Variants in CAPN8 observed in about 807,000 individuals in gnomAD.
The protein encoded by CAPN8 is calpain 8.
A neutral mutation model predicts 80.9 loss-of-function variants in CAPN8; 87 were observed. That is an observed-to-expected ratio of 1.07 (90% confidence interval 0.90 to 1.28). CAPN8 has a LOEUF of 1.28. CAPN8 is among the 50% of genes most tolerant of loss of function. The probability of loss-of-function intolerance (pLI) is 0.00; values close to 1 mark genes in which losing one functional copy is unlikely to be tolerated. For synonymous variants in CAPN8, 299 were observed against 273.8 expected, an observed-to-expected ratio of 1.09 and a Z score of -0.91; for missense variants, 757 against 702.0, an observed-to-expected ratio of 1.08 and a Z score of -0.89.
At chr1:223,631,953 C>T (rs1317267535) in intron 2 of CAPN8, among the ~76,000 whole-genome samples, 1 of 152,184 alleles carries the variant, frequency 6.6e-6, no homozygotes, top group African/African-American at 2.4e-5. Context: ...TTCTGGCTCC[C>T]GGTCTAAGCT....
Position 223,625,892 on chromosome 1 carries a change from C to G in CAPN8, c.730-4G>C. The G allele has an allele frequency of 1.3e-6, 2 of 1,549,898 alleles. No homozygotes were observed. The highest frequency in any genetic ancestry group is 1.2e-5 in the South Asian group (1 of 84,000). On this transcript the variant is annotated splice_polypyrimidine_tract_variant and splice_region_variant and intron_variant, in intron 5 of 20. Coordinates refer to ENST00000366872, the MANE Select transcript of CAPN8 (RefSeq NM_001143962.2). ...CGGCTTCGGCTGCACTGGAGACCTG[C>G]GTAGAGAAGAAAGTCCACTCAGTGG...
chr1:223,549,818 T>G (rs918850805), intron 15 of CAPN8, among the ~76,000 whole-genome samples: 4 of 152,212 alleles, frequency 2.6e-5, no homozygotes, highest in Non-Finnish European at 4.4e-5. Context: ...ACAGCTAACT[T>G]TATATGGCTA....
chr1:223,545,821 C>CTTTTTTT (rs141485616), intron 16 of CAPN8, among the ~76,000 whole-genome samples: 18 of 98,596 alleles, frequency 1.8e-4, no homozygotes, highest in African/African-American at 5.6e-4. Flanking sequence ...CACTCCACAA[C>CTTTTTTT]TTTTTTTTTT....
chr1:223,620,395 A>C (rs1381173049), intron 7 of CAPN8, 129 bp from the exon 8 acceptor site: 3 of 775,146 alleles, frequency 3.9e-6, no homozygotes, highest in Non-Finnish European at 6.4e-6. Context: ...GCAGACAGAA[A>C]GGCAGAATGG....
rs1427717150 is a variant in CAPN8, at chr1:223,665,637, G to C, written c.10C>G (p.Gln4Glu). 4.5e-6 allele frequency: 7 copies of C among 1,551,124 alleles called. No individual in the cohort carries two copies. In the East Asian group the frequency reaches 1.5e-4, roughly 32 times the overall value. ...CGCTGCCTAGATACACCAGCTGCCTGGGCTGCCATGGCCGTGGGCTCTGTA... is the reference window on the plus strand; with the variant it reads ...CGCTGCCTAGATACACCAGCTGCCTCGGCTGCCATGGCCGTGGGCTCTGTA... MAA[Q>E]AAGVSRQRAA... is the part of the protein sequence containing the mutation. Residue 4 changes from glutamine (Q) to glutamate (E), a missense_variant, in exon 1 of 21, where the codon CAG becomes GAG. By Grantham distance (29) the Gln-to-Glu change is conservative (BLOSUM62 2). Transcript: ENST00000366872.
At chr1:223,619,537 C>G (rs34693465) in intron 8 of CAPN8, 84 bp from the exon 9 acceptor site, 299,556 of 1,449,170 alleles carry the variant, frequency 0.21, 32,072 homozygotes, top group African/African-American at 0.28. Context: ...GGAAGGAGCC[C>G]TGTGGCACAG....
intron 16 of CAPN8, among the ~76,000 whole-genome samples, chr1:223,548,594 T>A (rs1656695803): frequency 6.6e-6 from 1 of 152,162 alleles, no homozygotes. Flanking sequence ...CCATGTGAAG[T>A]TATAGCAAGA....
At chr1:223,619,675 T>C (rs985391201) in intron 8 of CAPN8, among the ~76,000 whole-genome samples, 4 of 152,184 alleles carry the variant, frequency 2.6e-5, no homozygotes, top group Admixed American at 2.6e-4. Flanking sequence ...CACACATATC[T>C]TAACAACCAA....
chr1:223,551,076 G>C, intron 14 of CAPN8, 59 bp from the exon 15 acceptor site: 2 of 709,716 alleles, frequency 2.8e-6, no homozygotes, highest in Middle Eastern at 2.3e-4. Context: ...TTTCAAGACA[G>C]TAAATTAATG....
At chr1:223,649,386 G>T (rs1387202097) in intron 2 of CAPN8, among the ~76,000 whole-genome samples, 3 of 152,160 alleles carry the variant, frequency 2.0e-5, no homozygotes, top group Non-Finnish European at 4.4e-5. Flanking sequence ...GTCCTGCTGG[G>T]GTCCCCAGGA....
chr1:223,624,336 A>T (rs1347195296), intron 6 of CAPN8, among the ~76,000 whole-genome samples: 2 of 152,154 alleles, frequency 1.3e-5, no homozygotes, highest in East Asian at 3.9e-4. Flanking sequence ...TTAATTTCTC[A>T]ATTATAGCAC....
chr1:223,642,344 C>A (rs1179094142), intron 2 of CAPN8, among the ~76,000 whole-genome samples: 1 of 152,156 alleles, frequency 6.6e-6, no homozygotes, highest in African/African-American at 2.4e-5. Context: ...ATTTTTATAG[C>A]CTCAAAATAA....
intron 13 of CAPN8, among the ~76,000 whole-genome samples, chr1:223,556,548 T>C (rs1656909871): frequency 6.6e-6 from 1 of 152,074 alleles, no homozygotes; most frequent in East Asian, 1.9e-4. Flanking sequence ...CTGTCAGTCA[T>C]AAAGAAACCT....
chr1:223,622,198 C>T (rs566611981), intron 7 of CAPN8, among the ~76,000 whole-genome samples: 68 of 152,318 alleles, frequency 4.5e-4, no homozygotes, highest in African/African-American at 1.5e-3. Flanking sequence ...TGCTTTCCAC[C>T]CTCCTGCATG....
chr1:223,650,680 A>C (rs1415953044), intron 2 of CAPN8, among the ~76,000 whole-genome samples: 1 of 152,124 alleles, frequency 6.6e-6, no homozygotes, highest in Non-Finnish European at 1.5e-5. Flanking sequence ...CAAAGCCAAC[A>C]ATGCCGTTCC....
intron 13 of CAPN8, among the ~76,000 whole-genome samples, chr1:223,556,297 T>G (rs1656905209): frequency 6.6e-6 from 1 of 152,150 alleles, no homozygotes; most frequent in Non-Finnish European, 1.5e-5. Context: ...ATCTGTGTAT[T>G]CTGGGGTGTG....
intron 2 of CAPN8, among the ~76,000 whole-genome samples, chr1:223,649,507 C>T (rs1009276082): frequency 6.6e-6 from 1 of 152,198 alleles, no homozygotes; most frequent in Non-Finnish European, 1.5e-5. Flanking sequence ...CAGTCAGCAC[C>T]TCCAACCCCC....
intron 1 of CAPN8, among the ~76,000 whole-genome samples, chr1:223,659,894 T>G (rs1410982812): frequency 6.6e-6 from 1 of 152,192 alleles, no homozygotes; most frequent in African/African-American, 2.4e-5. Flanking sequence ...CACGAGCTCA[T>G]GCTCTTAACC....
chr1:223,549,119 C>T (rs992577665), intron 16 of CAPN8, among the ~76,000 whole-genome samples, 199 bp downstream of exon 16: 40 of 152,120 alleles, frequency 2.6e-4, no homozygotes, highest in African/African-American at 8.7e-4. Context: ...GAGATAATCT[C>T]AAGCTTTCTG....
Sources: gnomAD v4.1 joint callset for allele counts (sites outside exome capture counted in the v4.1 genomes callset) on GRCh38, gnomAD v4.1.1 for gene constraint, MANE v1.5 for transcripts, NCBI Gene and HGNC (gene_info 2026-07-23, HGNC 2026-07-21) for gene names.